The following UNC13C variants were observed in gnomAD, a reference collection of about 807,000 sequenced individuals.
The protein encoded by UNC13C is unc-13 homolog C.
A neutral mutation model predicts 245.4 loss-of-function variants in UNC13C; 174 were observed. That is an observed-to-expected ratio of 0.71 (90% CI 0.63 to 0.80). The LOEUF (loss-of-function observed/expected upper bound fraction) is 0.80. Ranked by LOEUF, UNC13C falls within the 30% of genes least tolerant of loss-of-function variation. The pLI is 0.00. For synonymous variants in UNC13C, 992 were observed against 895.1 expected (o/e 1.11, Z -1.93); for missense variants, 2,829 against 2,602.9 (o/e 1.09, Z -1.89).
At chr15:54,178,280 C>T (rs1422018652) in intron 4 of UNC13C, among the ~76,000 whole-genome samples, 1 of 152,018 alleles carries the variant, frequency 6.6e-6, no homozygotes, top group Non-Finnish European at 1.5e-5. Context: ...GGATTCCTCC[C>T]TCCCCATATC....
At chr15:54,619,835 A>C (rs1408030443) in intron 30 of UNC13C, among the ~76,000 whole-genome samples, 1 of 152,216 alleles carries the variant, frequency 6.6e-6, no homozygotes, top group Non-Finnish European at 1.5e-5. Flanking sequence ...TTAAGGAGAA[A>C]AATCTGCATA....
At chr15:54,581,781 A>C (rs1898212934) in intron 30 of UNC13C, among the ~76,000 whole-genome samples, 1 of 152,192 alleles carries the variant, frequency 6.6e-6, no homozygotes, top group African/African-American at 2.4e-5. Flanking sequence ...AAACTCTAGG[A>C]GTCGGGCTCA....
In UNC13C at chr15:54,232,333, G is replaced by A. The variant is rs151217765; in HGVS notation, c.3072-2697G>A. ...TCAAAAGAGGCAGAGATGAATTTTG[G>A]ATACATGTCTGCTCACTTGGGCTTG... On this transcript the variant is annotated intron_variant, in intron 4 of 32. Transcript: ENST00000260323. 2.0e-5 allele frequency among the ~76,000 whole-genome samples: 3 copies of A among 152,206 alleles called. No individual in the cohort carries two copies. In the South Asian group the frequency reaches 6.2e-4, roughly 32 times the overall value.
At chr15:54,203,717 CACACATATAT>C (rs1318755855) in intron 4 of UNC13C, among the ~76,000 whole-genome samples, 1 of 142,666 alleles carries the variant, frequency 7.0e-6, no homozygotes, top group Non-Finnish European at 1.5e-5. Context: ...TGTATATATA[CACACATATAT>C]ACACATATAC....
intron 4 of UNC13C, among the ~76,000 whole-genome samples, chr15:54,147,930 C>A (rs930033494): frequency 6.6e-6 from 1 of 152,062 alleles, no homozygotes; most frequent in African/African-American, 2.4e-5. Context: ...TCTTTATTTT[C>A]TTTCTTCACT....
chr15:54,263,649 C>G (rs2036482313), intron 8 of UNC13C, among the ~76,000 whole-genome samples: 1 of 152,010 alleles, frequency 6.6e-6, no homozygotes, highest in Non-Finnish European at 1.5e-5. Context: ...CTAGTAGTGT[C>G]CAAATCTTCT....
At chr15:54,621,985 A>G (rs1026028298) in intron 30 of UNC13C, among the ~76,000 whole-genome samples, 2 of 152,172 alleles carry the variant, frequency 1.3e-5, no homozygotes, top group African/African-American at 4.8e-5. Flanking sequence ...TCTTAAAGTA[A>G]TAAAAAGCAA....
chr15:53,888,022 ATG>A, the UNC13C span, among the ~76,000 whole-genome samples: 196 of 152,300 alleles, frequency 1.3e-3, no homozygotes, highest in African/African-American at 4.6e-3. Flanking sequence ...ATACGTGTGC[ATG>A]TGTCTTTATA....
chr15:54,557,577 G>A (rs6493690), intron 29 of UNC13C, among the ~76,000 whole-genome samples: 46,906 of 151,016 alleles, frequency 0.31, 7,860 homozygotes, highest in East Asian at 0.53. Context: ...ATGTCTCCCC[G>A]GAGCCCAGCC....
In UNC13C at chr15:54,500,011, G is replaced by A. The variant is rs528079223; in HGVS notation, c.5061-68G>A. ...TAAATTACTCTCATATGCAAAAAGA[G>A]CAGCATTCCTGTTAATTTTATGCAA... On this transcript the variant is annotated intron_variant, in intron 20 of 32. Coordinates refer to ENST00000260323, the MANE Select transcript of UNC13C (RefSeq NM_001080534.3). The A allele has an allele frequency of 5.6e-3, 6,524 of 1,164,024 alleles. 28 individuals carry two copies. Among genetic ancestry groups the A allele is most frequent in the Non-Finnish European group, 7.1e-3 (5,817 of 821,130 alleles). The allele number at this position is 1,164,024 out of a possible 1,614,324, so 72.1% of individuals were successfully genotyped here.
At chr15:54,328,483 A>T (rs547624708) in intron 14 of UNC13C, among the ~76,000 whole-genome samples, 28 of 152,218 alleles carry the variant, frequency 1.8e-4, no homozygotes, top group African/African-American at 6.5e-4. Context: ...ATACATAGCT[A>T]GCACCTCCCA....
intron 4 of UNC13C, among the ~76,000 whole-genome samples, chr15:54,158,897 C>A (rs1282284633): frequency 2.6e-5 from 4 of 152,288 alleles, no homozygotes; most frequent in Non-Finnish European, 5.9e-5. Context: ...AAGTAATCCT[C>A]CCGCCTGGCC....
At chr15:54,339,640 G>GAT (rs61353129) in intron 17 of UNC13C, among the ~76,000 whole-genome samples, 3,549 of 149,528 alleles carry the variant, frequency 0.024, 76 homozygotes, top group African/African-American at 0.039. Context: ...ATTATGTGGA[G>GAT]ATATATATAT....
At chr15:54,065,542 A>G (rs1187573894) in intron 2 of UNC13C, among the ~76,000 whole-genome samples, 2 of 152,232 alleles carry the variant, frequency 1.3e-5, no homozygotes, top group Non-Finnish European at 2.9e-5. Flanking sequence ...GCTTATCATA[A>G]CAAGGATTTA....
intron 13 of UNC13C, among the ~76,000 whole-genome samples, chr15:54,319,215 A>G (rs1344561813): frequency 6.6e-6 from 1 of 151,280 alleles, no homozygotes; most frequent in Non-Finnish European, 1.5e-5. Context: ...TGTCACCTAC[A>G]CCATTTTAGG....
At chr15:54,182,659 A>G (rs1273788114) in intron 4 of UNC13C, among the ~76,000 whole-genome samples, 2 of 151,880 alleles carry the variant, frequency 1.3e-5, no homozygotes, top group African/African-American at 4.8e-5. Flanking sequence ...TCTTTTTTTT[A>G]ACAACCCACG....
chr15:54,175,202 C>A (rs1168911112), intron 4 of UNC13C, among the ~76,000 whole-genome samples: 1 of 152,194 alleles, frequency 6.6e-6, no homozygotes, highest in Admixed American at 6.5e-5. Flanking sequence ...AATCTTATCT[C>A]TCCATCAGCT....
At chr15:53,859,217 C>T in the UNC13C span, among the ~76,000 whole-genome samples, 1 of 152,168 alleles carries the variant, frequency 6.6e-6, no homozygotes, top group East Asian at 1.9e-4. Flanking sequence ...AATGTCTCAT[C>T]GTTAATAAAA....
At chr15:54,248,241 G>A (rs1044160921) in intron 7 of UNC13C, among the ~76,000 whole-genome samples, 17 of 151,896 alleles carry the variant, frequency 1.1e-4, no homozygotes, top group African/African-American at 2.7e-4. Flanking sequence ...TAAAACAAAC[G>A]AGTTGCCTGA....
Sources: allele counts gnomAD v4.1 joint callset (sites outside exome capture counted in the v4.1 genomes callset), GRCh38; gene constraint gnomAD v4.1.1; transcripts MANE v1.5; gene names NCBI Gene and HGNC (gene_info 2026-07-23, HGNC 2026-07-21).